The following SH3GL2 variants were observed in gnomAD, a reference collection of about 807,000 sequenced individuals.
The protein encoded by SH3GL2 is SH3 domain containing GRB2 like 2, endophilin A1.
A neutral mutation model predicts 46.0 loss-of-function variants in SH3GL2; 24 were observed. That is an observed-to-expected ratio of 0.52 (90% CI 0.38 to 0.73). The LOEUF (loss-of-function observed/expected upper bound fraction) is 0.73, where lower values mean the gene tolerates loss of function less well. Ranked by LOEUF, SH3GL2 falls within the 30% of genes least tolerant of loss-of-function variation. The probability of loss-of-function intolerance (pLI) is 0.00; values close to 1 mark genes in which losing one functional copy is unlikely to be tolerated. For missense variants in SH3GL2, 413 were observed against 424.2 expected, an observed-to-expected ratio of 0.97 and a Z score of 0.23; for synonymous variants, 196 against 147.1, an observed-to-expected ratio of 1.33 and a Z score of -2.40.
At chr9:17,686,464 A>T (rs962438325) in intron 1 of SH3GL2, among the ~76,000 whole-genome samples, 26 of 144,004 alleles carry the variant, frequency 1.8e-4, no homozygotes, top group African/African-American at 6.6e-4. Flanking sequence ...ACTATAAATC[A>T]TGCTGCTATA....
chr9:17,647,519 G>C (rs904917366), intron 1 of SH3GL2, among the ~76,000 whole-genome samples: 1 of 152,044 alleles, frequency 6.6e-6, no homozygotes, highest in African/African-American at 2.4e-5. Flanking sequence ...AGACCACAAA[G>C]CTGTTGTTCT....
chr9:17,787,811 C>T (rs1219263402), intron 5 of SH3GL2, among the ~76,000 whole-genome samples: 1 of 152,122 alleles, frequency 6.6e-6, no homozygotes, highest in Non-Finnish European at 1.5e-5. Context: ...TGAGAATACA[C>T]AGTTTTGTTA....
At chr9:17,747,364 G>C (rs1310560211) in intron 2 of SH3GL2, among the ~76,000 whole-genome samples, 1 of 152,148 alleles carries the variant, frequency 6.6e-6, no homozygotes, top group South Asian at 2.1e-4. Flanking sequence ...GAAAGGTCAC[G>C]ATGAACTTTT....
chr9:17,751,251 G>A (rs1822834472), intron 2 of SH3GL2, among the ~76,000 whole-genome samples: 1 of 152,084 alleles, frequency 6.6e-6, no homozygotes, highest in Admixed American at 6.6e-5. Context: ...AGTAAGAGAG[G>A]ATTATTGGCA....
intron 3 of SH3GL2, among the ~76,000 whole-genome samples, chr9:17,765,482 C>T (rs974072600): frequency 8.5e-5 from 13 of 152,218 alleles, no homozygotes; most frequent in Admixed American, 4.6e-4. Context: ...GAAGGTCCTA[C>T]ATCCACTCTT....
intron 1 of SH3GL2, chr9:17,589,059 G>C (rs914636258): frequency 6.6e-6 from 1 of 152,178 alleles, no homozygotes; most frequent in African/African-American, 2.4e-5. Flanking sequence ...CTATTTGTGA[G>C]CTTGTAAGTG....
chr9:17,624,881 A>C (rs1480116185), intron 1 of SH3GL2, among the ~76,000 whole-genome samples: 1 of 152,170 alleles, frequency 6.6e-6, no homozygotes, highest in African/African-American at 2.4e-5. Flanking sequence ...GGAACTATCC[A>C]TTTCTTGGTA....
Position 17,796,386 on chromosome 9 carries a change from A to G in SH3GL2, c.*643A>G, listed in dbSNP as rs1393313803. On this transcript the variant is annotated 3_prime_UTR_variant, in exon 9 of 9. Coordinates refer to ENST00000380607, the MANE Select transcript of SH3GL2 (RefSeq NM_003026.5). ...TCCTTGCTATTAAAGCCAGAGCGGT[A>G]ATTCCAAATTATTTTTCAGTAAGAC... 6.6e-6 allele frequency: 1 copy of G among 152,506 alleles called. No homozygotes were observed. The highest frequency in any genetic ancestry group is 1.9e-4 in the East Asian group (1 of 5,190). 9.4% of individuals were successfully genotyped at this position (152,506 alleles called of 1,614,324 possible). A position where few individuals can be genotyped will look rare whatever the true frequency, so the allele number is the denominator to read the frequency against.
In SH3GL2 at chr9:17,754,498, C is replaced by A. The variant is rs535164243; in HGVS notation, c.115-6939C>A. On this transcript the variant is annotated intron_variant, in intron 2 of 8. Coordinates refer to ENST00000380607, the MANE Select transcript of SH3GL2 (RefSeq NM_003026.5). ...ACCATCCTGGCTAACATGGTGAAAC[C>A]CTGACTCTACTAAATATACAAAAAA... 3.3e-5 allele frequency among the ~76,000 whole-genome samples: 5 copies of A among 151,994 alleles called. No homozygotes were observed. The East Asian group carries it at 9.7e-4, about 30-fold the overall frequency.
chr9:17,619,378 A>T (rs1251606635), intron 1 of SH3GL2, among the ~76,000 whole-genome samples: 1 of 152,168 alleles, frequency 6.6e-6, no homozygotes, highest in Admixed American at 6.5e-5. Context: ...CTGACTACCT[A>T]TTTAAAAGAA....
intron 8 of SH3GL2, 88 bp from the exon 9 acceptor site, chr9:17,795,456 C>T: frequency 1.0e-6 from 1 of 994,940 alleles, no homozygotes; most frequent in South Asian, 1.5e-5. Flanking sequence ...AGCAGCAAGC[C>T]AGGTGGGTAC....
rs549468400 is a variant in SH3GL2, at chr9:17,606,786, A to T, written c.45+27499A>T. The stretch of plus-strand genomic sequence containing the variant: ...GTTGTTCCATATCCTGCAGTGCTGA[A>T]AACTACCACAACCAAGAAATAAAAT... On this transcript the variant is annotated intron_variant, in intron 1 of 8. Coordinates refer to ENST00000380607, the MANE Select transcript of SH3GL2 (RefSeq NM_003026.5). Among the ~76,000 whole-genome samples, 14 of 152,306 alleles carry T rather than the reference A, an allele frequency of 9.2e-5. No individual in the cohort carries two copies. In the East Asian group the frequency reaches 2.1e-3, roughly 23 times the overall value.
intron 1 of SH3GL2, among the ~76,000 whole-genome samples, chr9:17,718,276 A>T (rs2049689326): frequency 6.6e-6 from 1 of 152,146 alleles, no homozygotes; most frequent in African/African-American, 2.4e-5. Flanking sequence ...AGAACTTCTT[A>T]TCGTGATTTA....
intron 1 of SH3GL2, among the ~76,000 whole-genome samples, chr9:17,588,462 A>G (rs1432801672): frequency 1.3e-5 from 2 of 152,192 alleles, no homozygotes; most frequent in African/African-American, 4.8e-5. Context: ...TCTGGCTGGT[A>G]GTGGAAGGAA....
intron 1 of SH3GL2, among the ~76,000 whole-genome samples, chr9:17,672,091 T>C (rs144422828): frequency 1.4e-4 from 21 of 152,322 alleles, no homozygotes; most frequent in African/African-American, 5.1e-4. Flanking sequence ...CTCAATGTTT[T>C]GTTTTGACCT....
intron 1 of SH3GL2, among the ~76,000 whole-genome samples, chr9:17,675,586 G>A (rs772153668): frequency 6.6e-6 from 1 of 152,168 alleles, no homozygotes; most frequent in Admixed American, 6.5e-5. Flanking sequence ...AGTAAAAAAG[G>A]TGCCTTAAGG....
At chr9:17,649,591 A>G (rs1369066523) in intron 1 of SH3GL2, among the ~76,000 whole-genome samples, 1 of 152,258 alleles carries the variant, frequency 6.6e-6, no homozygotes, top group Non-Finnish European at 1.5e-5. Context: ...TAAATGGAAA[A>G]AATAGTTTAC....
At chr9:17,598,973 G>A (rs1818620776) in intron 1 of SH3GL2, among the ~76,000 whole-genome samples, 1 of 152,130 alleles carries the variant, frequency 6.6e-6, no homozygotes, top group Admixed American at 6.5e-5. Flanking sequence ...ATTGGTCAAT[G>A]GAACAAAATG....
chr9:17,680,799 A>G (rs1448527240), intron 1 of SH3GL2, among the ~76,000 whole-genome samples: 11 of 151,834 alleles, frequency 7.2e-5, no homozygotes, highest in African/African-American at 1.7e-4. Flanking sequence ...ACACTGCTTT[A>G]AATGTGTCCC....
Sources: allele counts gnomAD v4.1 joint callset (sites outside exome capture counted in the v4.1 genomes callset), GRCh38; gene constraint gnomAD v4.1.1; transcripts MANE v1.5; gene names NCBI Gene and HGNC (gene_info 2026-07-23, HGNC 2026-07-21).